Variants in FRK observed in about 807,000 individuals in gnomAD.
FRK encodes tyrosine-protein kinase FRK.
A neutral mutation model predicts 56.4 loss-of-function variants in FRK; 51 were observed. That is an observed-to-expected ratio of 0.90 (90% CI 0.72 to 1.14). The LOEUF is 1.14. FRK is among the 50% of genes most tolerant of loss of function. The pLI is 0.00. For missense variants in FRK, 570 were observed against 601.4 expected (o/e 0.95, Z 0.55); for synonymous variants, 245 against 217.9 (o/e 1.12, Z -1.10).
chr6:116,099,178 T>A, the FRK span, among the ~76,000 whole-genome samples: 1 of 152,166 alleles, frequency 6.6e-6, no homozygotes, highest in Non-Finnish European at 1.5e-5. Flanking sequence ...CCCAAGTCAA[T>A]TTCCTGTTCA....
chr6:116,020,079 A>C (rs762295657), intron 1 of FRK, among the ~76,000 whole-genome samples: 2 of 152,174 alleles, frequency 1.3e-5, no homozygotes, highest in African/African-American at 2.4e-5. Flanking sequence ...TCAACAACAA[A>C]AAAATTGATC....
At chr6:116,073,230 T>C in the FRK span, among the ~76,000 whole-genome samples, 2 of 152,196 alleles carry the variant, frequency 1.3e-5, no homozygotes, top group African/African-American at 2.4e-5. Flanking sequence ...ATTTTCTCTG[T>C]CTTGGACTTC....
chr6:115,968,641 A>T lies in FRK; in HGVS notation c.565T>A (p.Phe189Ile), dbSNP rs562978310. 2 of 1,613,888 alleles carry T rather than the reference A, an allele frequency of 1.2e-6. No homozygotes were observed. Among genetic ancestry groups the T allele is most frequent in the Non-Finnish European group, 1.7e-6 (2 of 1,179,856 alleles). Reference protein sequence around the residue: ...RRRIFSTLNEFVSHYTKTSDG... With the variant: ...RRRIFSTLNEIVSHYTKTSDG... The stretch of plus-strand genomic sequence containing the variant: ...CTTGTCTTGGTGTAGTGGCTCACAA[A>T]TTCGTTCAGTGTTGAAAAGATTCTT... The change falls in exon 3 of 8, where the codon TTT (phenylalanine) becomes ATT (isoleucine). Residue 189 changes from phenylalanine (F) to isoleucine (I), a missense_variant. By Grantham distance (21) the Phe-to-Ile change is conservative. Transcript: ENST00000606080.
intron 1 of FRK, among the ~76,000 whole-genome samples, chr6:116,052,870 TAG>T: frequency 6.6e-6 from 1 of 152,270 alleles, no homozygotes; most frequent in Non-Finnish European, 1.5e-5. Flanking sequence ...ATGATCCATT[TAG>T]ACAGAAGTAA....
intron 1 of FRK, among the ~76,000 whole-genome samples, chr6:116,043,908 C>T (rs1289481532): frequency 6.6e-6 from 1 of 152,064 alleles, no homozygotes; most frequent in East Asian, 1.9e-4. Flanking sequence ...GGGATATCAC[C>T]ACTGATCCCA....
At chr6:115,973,487 C>T (rs1773882125) in intron 2 of FRK, among the ~76,000 whole-genome samples, 1 of 152,042 alleles carries the variant, frequency 6.6e-6, no homozygotes, top group Non-Finnish European at 1.5e-5. Context: ...AGCAAACCAC[C>T]ATGGCACGCG....
At chr6:116,045,332 T>G (rs1449487333) in intron 1 of FRK, among the ~76,000 whole-genome samples, 1 of 152,182 alleles carries the variant, frequency 6.6e-6, no homozygotes. Context: ...GACTTCAAAC[T>G]ATACTACAAG....
At chr6:115,987,930 G>A (rs1582683690) in intron 2 of FRK, among the ~76,000 whole-genome samples, 1 of 151,994 alleles carries the variant, frequency 6.6e-6, no homozygotes, top group Non-Finnish European at 1.5e-5. Context: ...TTTTATGCTT[G>A]TGCTTCCTAC....
At chr6:115,951,954 A>C (rs778693039) in intron 5 of FRK, among the ~76,000 whole-genome samples, 3 of 151,990 alleles carry the variant, frequency 2.0e-5, no homozygotes, top group Non-Finnish European at 4.4e-5. Flanking sequence ...TGTTTTACTC[A>C]AGGTTTTTTG....
Position 115,938,611 on chromosome 6 carries a change from T to C in FRK, c.*3803A>G, listed in dbSNP as rs1337487947. On this transcript the variant is annotated 3_prime_UTR_variant, in exon 8 of 8. Coordinates refer to ENST00000606080, the MANE Select transcript of FRK (RefSeq NM_002031.3). ...AAGAAGAAAAGAGAGCAGAATCAAA[T>C]AGACACAATAAAAAATGATAAAGCG... 3.3e-5 allele frequency: 5 copies of C among 152,074 alleles called. No homozygotes were observed. The highest frequency in any genetic ancestry group is 4.8e-5 in the African/African-American group (2 of 41,412). 9.4% of individuals were successfully genotyped at this position (152,074 alleles called of 1,614,324 possible).
the FRK span, among the ~76,000 whole-genome samples, chr6:116,096,933 G>A: frequency 6.6e-6 from 1 of 152,232 alleles, no homozygotes; most frequent in South Asian, 2.1e-4. Context: ...AGAACCCCCT[G>A]GAAGGAACCA....
At chr6:116,012,781 T>C (rs1775519884) in intron 1 of FRK, among the ~76,000 whole-genome samples, 1 of 152,214 alleles carries the variant, frequency 6.6e-6, no homozygotes, top group Admixed American at 6.5e-5. Context: ...AAAGTGTTTA[T>C]GGGAGAAGGC....
chr6:116,055,483 T>A (rs1345070313), intron 1 of FRK, among the ~76,000 whole-genome samples: 2 of 152,232 alleles, frequency 1.3e-5, no homozygotes, highest in African/African-American at 4.8e-5. Context: ...GTACTTTGCT[T>A]CTTCCCCTGC....
chr6:115,967,433 G>T, intron 4 of FRK, 118 bp downstream of exon 4: 2 of 944,964 alleles, frequency 2.1e-6, no homozygotes, highest in Non-Finnish European at 3.2e-6. Context: ...TAGAGACAAT[G>T]ACCACAACAC....
chr6:116,053,027 C>T (rs1470529021), intron 1 of FRK, among the ~76,000 whole-genome samples: 1 of 152,106 alleles, frequency 6.6e-6, no homozygotes, highest in African/African-American at 2.4e-5. Flanking sequence ...TCCTATTTAA[C>T]AGATGAGAAA....
chr6:116,057,124 G>A (rs1374072409), intron 1 of FRK, among the ~76,000 whole-genome samples: 1 of 152,082 alleles, frequency 6.6e-6, no homozygotes, highest in Non-Finnish European at 1.5e-5. Context: ...ACTAACATAC[G>A]TTGCATTAAA....
At chr6:115,958,033 A>T (rs1014683277) in intron 4 of FRK, among the ~76,000 whole-genome samples, 1 of 152,208 alleles carries the variant, frequency 6.6e-6, no homozygotes, top group Admixed American at 6.5e-5. Context: ...AAGGACAAGG[A>T]CTTAAAGAGA....
intron 4 of FRK, among the ~76,000 whole-genome samples, chr6:115,960,904 T>C (rs1262514158): frequency 0.015 from 8 of 518 alleles, no homozygotes; most frequent in Admixed American, 0.061. Context: ...TACATCACCA[T>C]CATCAAAGAC....
rs193059259 is a variant in FRK at position 116,035,733 on chromosome 6, C to G, written c.344+24235G>C. Among the ~76,000 whole-genome samples, 289 of 152,164 alleles carry G rather than the reference C, an allele frequency of 1.9e-3. 3 individuals carry two copies. Among genetic ancestry groups the G allele is most frequent in the African/African-American group, 6.5e-3 (271 of 41,556 alleles). On this transcript the variant is annotated intron_variant, in intron 1 of 7. Transcript: ENST00000606080. Reference sequence around the variant, plus strand: ...GTAGAATTAATTCTTAAACGTTTTCCTTAATCACTACTGCACTCACTTTTT... The same window carrying G: ...GTAGAATTAATTCTTAAACGTTTTCGTTAATCACTACTGCACTCACTTTTT...
Sources: allele counts gnomAD v4.1 joint callset (sites outside exome capture counted in the v4.1 genomes callset), GRCh38; gene constraint gnomAD v4.1.1; transcripts MANE v1.5; gene names NCBI Gene and HGNC (gene_info 2026-07-23, HGNC 2026-07-21).